CSMD3: variants seen among roughly 807,000 people sequenced by gnomAD.
CSMD3 encodes the protein CUB and sushi domain-containing protein 3.
A neutral mutation model predicts 435.2 loss-of-function variants in CSMD3; 177 were observed. The observed-to-expected ratio is 0.41, with a 90% CI of 0.36 to 0.46. CSMD3 has a LOEUF of 0.46. Among genes scored for constraint, CSMD3 ranks in the 20% least tolerant of loss-of-function variants. CSMD3 has a pLI of 0.34. For synonymous variants in CSMD3, 1,656 were observed against 1,520.5 expected (o/e 1.09, Z -2.07); for missense variants, 4,265 against 4,504.6 (o/e 0.95, Z 1.52).
intron 3 of CSMD3, among the ~76,000 whole-genome samples, chr8:113,211,829 C>T (rs909451550): frequency 6.6e-6 from 1 of 152,160 alleles, no homozygotes; most frequent in Non-Finnish European, 1.5e-5. Context: ...TCACATGCTA[C>T]TTCTCTATGC....
chr8:112,284,627 C>A (rs1818994468), intron 58 of CSMD3, among the ~76,000 whole-genome samples: 1 of 151,758 alleles, frequency 6.6e-6, no homozygotes, highest in Non-Finnish European at 1.5e-5. Context: ...AATACTTTTC[C>A]TAGTGTAAGA....
chr8:113,255,247 G>C (rs982081737), intron 3 of CSMD3, among the ~76,000 whole-genome samples: 1 of 152,018 alleles, frequency 6.6e-6, no homozygotes, highest in Admixed American at 6.6e-5. Flanking sequence ...ATTGAGACTA[G>C]GTTTTGGATG....
At chr8:113,332,526 A>G (rs1430872683) in intron 1 of CSMD3, among the ~76,000 whole-genome samples, 1 of 151,728 alleles carries the variant, frequency 6.6e-6, no homozygotes, top group Non-Finnish European at 1.5e-5. Context: ...GAATAAATTC[A>G]TTCACAATAG....
At position 112,661,547 on chromosome 8, in the gene CSMD3, C is replaced by T. The variant is rs368661068; in HGVS notation, c.2816+4730G>A. On this transcript the variant is annotated intron_variant, in intron 17 of 70. Coordinates refer to ENST00000297405, the MANE Select transcript of CSMD3 (RefSeq NM_198123.2). ...CAAGTGAGCCACTCTTAGTAGCCTA[C>T]TTTGAGCTGAAAGATACTAGGTGTT... Among the ~76,000 whole-genome samples, 12 of 152,244 alleles carry T rather than the reference C, an allele frequency of 7.9e-5. No homozygotes were observed. The East Asian group carries it at 9.7e-4, about 12-fold the overall frequency.
intron 31 of CSMD3, among the ~76,000 whole-genome samples, chr8:112,477,935 G>A (rs1388741690): frequency 6.6e-6 from 1 of 152,128 alleles, no homozygotes; most frequent in Non-Finnish European, 1.5e-5. Context: ...AACCTGGTGG[G>A]AGGTCACTGA....
chr8:113,156,042 T>C (rs1272426479), intron 4 of CSMD3, among the ~76,000 whole-genome samples: 1 of 152,064 alleles, frequency 6.6e-6, no homozygotes, highest in Non-Finnish European at 1.5e-5. Context: ...TTTTTTTTTC[T>C]TTTGTTTTCC....
chr8:113,404,676 G>A (rs535241934), intron 1 of CSMD3, among the ~76,000 whole-genome samples: 2 of 151,436 alleles, frequency 1.3e-5, no homozygotes, highest in East Asian at 1.9e-4. Context: ...TCCTACAAAT[G>A]TGTGCCATTT....
At chr8:112,435,295 A>C (rs1197649220) in intron 32 of CSMD3, among the ~76,000 whole-genome samples, 1 of 152,094 alleles carries the variant, frequency 6.6e-6, no homozygotes, top group Non-Finnish European at 1.5e-5. Context: ...AAACAACAAG[A>C]ATAAGGCAAA....
In CSMD3 at chr8:112,672,129, C is replaced by G. The variant is rs553220331; in HGVS notation, c.2678-5714G>C. Among the ~76,000 whole-genome samples, 5 of 152,056 alleles carry G rather than the reference C, an allele frequency of 3.3e-5. No individual in the cohort carries two copies. In the South Asian group the frequency reaches 1.0e-3, roughly 32 times the overall value. On this transcript the variant is annotated intron_variant, in intron 16 of 70. Coordinates refer to ENST00000297405, the MANE Select transcript of CSMD3 (RefSeq NM_198123.2). Reference sequence around the variant, plus strand: ...GGGTAAGTAGCCTTGAAATATAGGGCAGGGACAGGTACTGTCCCAGGGGCA... The same window carrying G: ...GGGTAAGTAGCCTTGAAATATAGGGGAGGGACAGGTACTGTCCCAGGGGCA...
At chr8:112,625,071 A>G (rs1335440086) in intron 22 of CSMD3, among the ~76,000 whole-genome samples, 1 of 152,088 alleles carries the variant, frequency 6.6e-6, no homozygotes, top group African/African-American at 2.4e-5. Context: ...TAGTAAAGTC[A>G]GTGATGATAT....
rs2089221982 is a variant in CSMD3, at chr8:113,073,640, T to C, written c.917+25116A>G. Among the ~76,000 whole-genome samples the C allele has an allele frequency of 5.9e-5, 9 of 151,994 alleles. No homozygotes were observed. In the South Asian group the frequency reaches 1.9e-3, roughly 32 times the overall value. ...GTGTCTCATGCTTTCTCCTGAATATTTGAAAATGTAGCAGCCTAACTTGTT... is the reference window on the plus strand; with the variant it reads ...GTGTCTCATGCTTTCTCCTGAATATCTGAAAATGTAGCAGCCTAACTTGTT... On this transcript the variant is annotated intron_variant, in intron 5 of 70. Coordinates refer to ENST00000297405, the MANE Select transcript of CSMD3 (RefSeq NM_198123.2).
chr8:112,283,781 A>G (rs1420317315), intron 58 of CSMD3, among the ~76,000 whole-genome samples: 1 of 151,742 alleles, frequency 6.6e-6, no homozygotes, highest in Non-Finnish European at 1.5e-5. Flanking sequence ...AACTCTGTAC[A>G]TTAGTTCTAT....
At chr8:113,274,076 A>T (rs900113754) in intron 3 of CSMD3, among the ~76,000 whole-genome samples, 1 of 152,090 alleles carries the variant, frequency 6.6e-6, no homozygotes, top group Non-Finnish European at 1.5e-5. Context: ...AAATAAAAGT[A>T]TACTTTACAT....
Position 113,294,867 on chromosome 8 carries a change from G to A in CSMD3, c.402-16163C>T, listed in dbSNP as rs575211411. On this transcript the variant is annotated intron_variant, in intron 2 of 70. Transcript: ENST00000297405. ...ATCATAACATCATAAATAGTAATGC[G>A]GAGTCATAGAAGCCAAGATTTCAAG... 3.0e-4 allele frequency among the ~76,000 whole-genome samples: 45 copies of A among 152,140 alleles called. 1 individual carries two copies. The highest frequency in any genetic ancestry group is 9.4e-4 in the African/African-American group (39 of 41,512).
rs146785059 is a variant in CSMD3, at chr8:112,723,930, G to A, written c.1973-33880C>T. Among the ~76,000 whole-genome samples, 1,201 of 151,920 alleles carry A rather than the reference G, an allele frequency of 7.9e-3. 15 individuals carry two copies. The highest frequency in any genetic ancestry group is 0.027 in the African/African-American group (1,128 of 41,438). On this transcript the variant is annotated intron_variant, in intron 13 of 70. Transcript: ENST00000297405. Reference sequence around the variant, plus strand: ...AAGCCATGTATTGTTCTAGGCACTCGGGGCATAGCAGTAAATGAGAGATCA... The same window carrying A: ...AAGCCATGTATTGTTCTAGGCACTCAGGGCATAGCAGTAAATGAGAGATCA...
At chr8:113,146,304 T>C (rs2091671678) in intron 4 of CSMD3, among the ~76,000 whole-genome samples, 1 of 151,488 alleles carries the variant, frequency 6.6e-6, no homozygotes, top group Non-Finnish European at 1.5e-5. Context: ...AGTGACACTT[T>C]AATATGAGAT....
chr8:113,095,067 T>A (rs1383639196), intron 5 of CSMD3, among the ~76,000 whole-genome samples: 1 of 151,076 alleles, frequency 6.6e-6, no homozygotes, highest in Non-Finnish European at 1.5e-5. Context: ...TGAGACTCCA[T>A]CTCAGAAAAA....
intron 17 of CSMD3, among the ~76,000 whole-genome samples, chr8:112,661,423 A>G (rs2131682536): frequency 6.6e-6 from 1 of 152,286 alleles, no homozygotes; most frequent in South Asian, 2.1e-4. Context: ...AGAATTTTGG[A>G]CAGAGAAAAT....
chr8:113,314,442 AAAT>A, intron 2 of CSMD3, 126 bp downstream of exon 2: 1 of 675,278 alleles, frequency 1.5e-6, no homozygotes, highest in Non-Finnish European at 2.6e-6. Flanking sequence ...ATTTTCAAAT[AAAT>A]AATAATTAGA....
Sources: gnomAD v4.1 joint callset for allele counts (sites outside exome capture counted in the v4.1 genomes callset) on GRCh38, gnomAD v4.1.1 for gene constraint, MANE v1.5 for transcripts, NCBI Gene and HGNC (gene_info 2026-07-23, HGNC 2026-07-21) for gene names.